Variants in EYS observed in about 807,000 individuals in gnomAD.
EYS encodes the protein EGF-like photoreceptor maintenance factor.
A neutral mutation model predicts 282.1 loss-of-function variants in EYS; 250 were observed. The observed-to-expected ratio is 0.89, with a 90% CI of 0.80 to 0.98. The LOEUF is 0.98. Among genes scored for constraint, EYS ranks in the 50% least tolerant of loss-of-function variants. The pLI, the probability that EYS is intolerant of heterozygous loss-of-function variation, is 0.00. For synonymous variants in EYS, 1,355 were observed against 1,282.9 expected, an observed-to-expected ratio of 1.06 and a Z score of -1.20; for missense variants, 4,016 against 3,709.0, an observed-to-expected ratio of 1.08 and a Z score of -2.15.
At chr6:64,986,411 A>G (rs1327551209) in intron 14 of EYS, among the ~76,000 whole-genome samples, 1 of 151,554 alleles carries the variant, frequency 6.6e-6, no homozygotes, top group Non-Finnish European at 1.5e-5. Flanking sequence ...GCAGTACAAA[A>G]TAAATTCACT....
At chr6:64,523,349 G>T (rs16895441) in intron 26 of EYS, among the ~76,000 whole-genome samples, 7,842 of 151,600 alleles carry the variant, frequency 0.052, 682 homozygotes, top group African/African-American at 0.18. Flanking sequence ...GTGTTTATTT[G>T]TTTCAATTTG....
At chr6:65,558,883 A>G (rs1768921898) in intron 2 of EYS, among the ~76,000 whole-genome samples, 1 of 152,156 alleles carries the variant, frequency 6.6e-6, no homozygotes, top group Admixed American at 6.5e-5. Flanking sequence ...CAACCTCACC[A>G]TATCCTAGTT....
intron 26 of EYS, among the ~76,000 whole-genome samples, chr6:64,523,121 C>A (rs912901236): frequency 4.0e-5 from 6 of 151,516 alleles, no homozygotes; most frequent in African/African-American, 9.7e-5. Flanking sequence ...GAGCTTACAA[C>A]TAAATCCTCT....
chr6:65,689,743 G>A (rs1769171687), intron 1 of EYS, among the ~76,000 whole-genome samples: 1 of 149,696 alleles, frequency 6.7e-6, no homozygotes, highest in African/African-American at 2.4e-5. Flanking sequence ...AGAATGTGCA[G>A]ATTTGTTACA....
intron 2 of EYS, among the ~76,000 whole-genome samples, chr6:65,501,634 C>T (rs771993724): frequency 1.3e-4 from 19 of 151,758 alleles, no homozygotes; most frequent in Non-Finnish European, 2.4e-4. Context: ...TTCAAGATAT[C>T]ATTTCAATTT....
At chr6:65,230,607 T>G (rs1197747845) in intron 12 of EYS, among the ~76,000 whole-genome samples, 1 of 151,872 alleles carries the variant, frequency 6.6e-6, no homozygotes, top group Admixed American at 6.6e-5. Flanking sequence ...TTCATGTCTT[T>G]TTTTTCCTAG....
At chr6:64,222,319 G>A (rs547356453) in intron 31 of EYS, among the ~76,000 whole-genome samples, 1 of 152,016 alleles carries the variant, frequency 6.6e-6, no homozygotes, top group South Asian at 2.1e-4. Context: ...CCTATCAAAG[G>A]CACATCGCAT....
At chr6:64,007,625 G>T (rs944141970) in intron 33 of EYS, among the ~76,000 whole-genome samples, 5 of 152,062 alleles carry the variant, frequency 3.3e-5, no homozygotes, top group African/African-American at 9.7e-5. Context: ...TGGGCATTTA[G>T]CACTATAACT....
Position 63,956,236 on chromosome 6 carries a change from A to C in EYS, c.7055+28147T>G, listed in dbSNP as rs1374511909. ...CACTGAAGAATCACAAAAGAAGTGA[A>C]AATGCCTGGTTCCTGCCTTAACTGG... is the stretch of plus-strand genomic sequence containing the variant. On this transcript the variant is annotated intron_variant, in intron 35 of 42. Coordinates refer to ENST00000503581, the MANE Select transcript of EYS (RefSeq NM_001142800.2). 4.6e-5 allele frequency among the ~76,000 whole-genome samples: 7 copies of C among 152,202 alleles called. No homozygotes were observed. The South Asian group carries it at 1.0e-3, about 23-fold the overall frequency.
chr6:65,114,301 C>T (rs553441147), intron 12 of EYS, among the ~76,000 whole-genome samples: 1 of 149,682 alleles, frequency 6.7e-6, no homozygotes, highest in East Asian at 2.0e-4. Flanking sequence ...CTTTGCCTTA[C>T]ATTTTTATAG....
At chr6:64,373,655 G>A (rs938661009) in intron 29 of EYS, among the ~76,000 whole-genome samples, 2 of 152,194 alleles carry the variant, frequency 1.3e-5, no homozygotes, top group South Asian at 2.1e-4. Flanking sequence ...GAAGTAGGAC[G>A]GCTGAGCCAG....
intron 22 of EYS, among the ~76,000 whole-genome samples, chr6:64,694,984 C>G (rs1424089807): frequency 6.6e-6 from 1 of 152,100 alleles, no homozygotes; most frequent in African/African-American, 2.4e-5. Flanking sequence ...GTCTCTGGAG[C>G]CTGAGCTTCC....
chr6:65,591,843 A>G (rs1765245365), intron 2 of EYS, among the ~76,000 whole-genome samples: 1 of 152,010 alleles, frequency 6.6e-6, no homozygotes, highest in African/African-American at 2.4e-5. Flanking sequence ...ATTGAAAATT[A>G]AATTATTTTT....
intron 19 of EYS, among the ~76,000 whole-genome samples, chr6:64,868,319 G>A (rs994245703): frequency 4.9e-4 from 74 of 151,208 alleles, no homozygotes; most frequent in African/African-American, 1.8e-3. Context: ...CATTTTCATA[G>A]TGACAATTTT....
chr6:64,036,278 G>T (rs1770116461), intron 33 of EYS, among the ~76,000 whole-genome samples: 2 of 152,158 alleles, frequency 1.3e-5, no homozygotes, highest in South Asian at 4.1e-4. Flanking sequence ...GAGTTTGGGT[G>T]CAGAATGGGG....
At chr6:64,584,959 A>G (rs921298183) in intron 26 of EYS, among the ~76,000 whole-genome samples, 7 of 152,172 alleles carry the variant, frequency 4.6e-5, no homozygotes, top group African/African-American at 1.7e-4. Flanking sequence ...TATTTGACCC[A>G]GCAATATCGT....
chr6:65,259,463 G>A (rs1267243499), intron 12 of EYS, among the ~76,000 whole-genome samples: 1 of 151,950 alleles, frequency 6.6e-6, no homozygotes, highest in African/African-American at 2.4e-5. Context: ...CCTATCCTGA[G>A]AGAGACATTG....
intron 31 of EYS, among the ~76,000 whole-genome samples, chr6:64,134,437 TA>T (rs1257912547): frequency 6.6e-6 from 1 of 151,930 alleles, no homozygotes; most frequent in Non-Finnish European, 1.5e-5. Flanking sequence ...ATGAGGGCTC[TA>T]AAAAATATGT....
intron 2 of EYS, among the ~76,000 whole-genome samples, chr6:65,604,074 CTTA>C (rs1765699305): frequency 6.6e-6 from 1 of 151,632 alleles, no homozygotes; most frequent in African/African-American, 2.4e-5. Flanking sequence ...GGAATACTGA[CTTA>C]TTATGTCCTC....
Sources: gnomAD v4.1 joint callset for allele counts (sites outside exome capture counted in the v4.1 genomes callset) on GRCh38, gnomAD v4.1.1 for gene constraint, MANE v1.5 for transcripts, NCBI Gene and HGNC (gene_info 2026-07-23, HGNC 2026-07-21) for gene names.